GNG2: variants seen among roughly 807,000 people sequenced by gnomAD.
GNG2 encodes the protein guanine nucleotide-binding protein G(I)/G(S)/G(O) subunit gamma-2.
A neutral mutation model predicts 5.5 loss-of-function variants in GNG2; 5 were observed. That is an observed-to-expected ratio of 0.91 (90% CI 0.48 to 1.92). The LOEUF (loss-of-function observed/expected upper bound fraction) is 1.92. Among genes scored for constraint, GNG2 ranks in the 30% most tolerant of loss-of-function variants. The probability of loss-of-function intolerance (pLI) is 0.01; values close to 1 mark genes in which losing one functional copy is unlikely to be tolerated. For synonymous variants in GNG2, 28 were observed against 32.0 expected (o/e 0.88, Z 0.42); for missense variants, 55 against 88.4 (o/e 0.62, Z 1.52).
chr14:51,910,749 A>G (rs913242812), intron 2 of GNG2, among the ~76,000 whole-genome samples: 6 of 152,224 alleles, frequency 3.9e-5, no homozygotes, highest in Non-Finnish European at 8.8e-5. Context: ...GATTTCAACA[A>G]AAGTCCATGT....
chr14:51,938,644 G>A (rs1311408416), intron 2 of GNG2, among the ~76,000 whole-genome samples: 1 of 152,176 alleles, frequency 6.6e-6, no homozygotes, highest in Non-Finnish European at 1.5e-5. Flanking sequence ...TATACCTAGT[G>A]TCATTTGTAC....
chr14:51,905,382 C>A (rs1885852386), intron 2 of GNG2, among the ~76,000 whole-genome samples: 1 of 152,112 alleles, frequency 6.6e-6, no homozygotes, highest in Admixed American at 6.6e-5. Context: ...ACGAAAACTA[C>A]AGTAGATAAG....
At chr14:51,901,818 C>A (rs1885581909) in intron 2 of GNG2, among the ~76,000 whole-genome samples, 5 of 151,902 alleles carry the variant, frequency 3.3e-5, no homozygotes, top group Admixed American at 3.3e-4. Context: ...TATATAATAA[C>A]CCAGTAGTGC....
At chr14:51,903,559 T>C (rs1008626419) in intron 2 of GNG2, among the ~76,000 whole-genome samples, 1 of 152,238 alleles carries the variant, frequency 6.6e-6, no homozygotes, top group Non-Finnish European at 1.5e-5. Context: ...TTTTGGGTTA[T>C]TGTATTATTT....
chr14:51,889,176 G>A (rs1422143239), intron 2 of GNG2, among the ~76,000 whole-genome samples: 4 of 149,130 alleles, frequency 2.7e-5, no homozygotes, highest in African/African-American at 7.4e-5. Context: ...ACATTGGAGC[G>A]ATCTCTGCTC....
chr14:51,897,418 T>A (rs1020002286), intron 2 of GNG2, among the ~76,000 whole-genome samples: 3 of 151,992 alleles, frequency 2.0e-5, no homozygotes, highest in African/African-American at 7.3e-5. Flanking sequence ...AATTCCGGGG[T>A]GGGGGCATCA....
intron 2 of GNG2, among the ~76,000 whole-genome samples, chr14:51,845,734 T>A (rs12435238): frequency 0.13 from 20,413 of 152,146 alleles, 1,623 homozygotes; most frequent in Non-Finnish European, 0.18. Context: ...CTGGTCAATG[T>A]TCTTGAACCT....
intron 1 of GNG2, among the ~76,000 whole-genome samples, chr14:51,865,530 G>T (rs1003811919): frequency 2.0e-5 from 3 of 152,052 alleles, no homozygotes; most frequent in Non-Finnish European, 1.5e-5. Context: ...TGATCTGGGG[G>T]GTGACCTAGC....
chr14:51,888,959 A>G (rs574063357), intron 2 of GNG2, among the ~76,000 whole-genome samples: 2 of 152,302 alleles, frequency 1.3e-5, no homozygotes, highest in South Asian at 2.1e-4. Context: ...GAAAGAAACT[A>G]GACACAACAG....
At chr14:51,956,527 G>A (rs2140295348) in intron 3 of GNG2, among the ~76,000 whole-genome samples, 1 of 152,268 alleles carries the variant, frequency 6.6e-6, no homozygotes, top group Middle Eastern at 3.4e-3. Context: ...ATGTAGAGTG[G>A]TGTGAGTATA....
chr14:51,845,540 A>G (rs1881599608), intron 2 of GNG2, among the ~76,000 whole-genome samples: 1 of 152,174 alleles, frequency 6.6e-6, no homozygotes. Flanking sequence ...TAGATCTTAG[A>G]GGCAATCTTG....
At chr14:51,895,020 A>G (rs942182550) in intron 2 of GNG2, among the ~76,000 whole-genome samples, 2 of 146,058 alleles carry the variant, frequency 1.4e-5, no homozygotes, top group Non-Finnish European at 3.0e-5. Flanking sequence ...TGTAATTCCA[A>G]ATAACAAAAC....
intron 2 of GNG2, among the ~76,000 whole-genome samples, chr14:51,948,432 G>T (rs1214429782): frequency 6.6e-6 from 1 of 152,194 alleles, no homozygotes; most frequent in Non-Finnish European, 1.5e-5. Context: ...CCAGCCAGAT[G>T]AATGAATTCC....
intron 1 of GNG2, among the ~76,000 whole-genome samples, chr14:51,874,424 CA>C (rs71121671): frequency 0.047 from 4,506 of 95,708 alleles, 166 homozygotes; most frequent in East Asian, 0.29. Context: ...GACTCTGTCT[CA>C]AAAAAAAAAA....
chr14:51,926,438 G>A (rs1338890747), intron 2 of GNG2, among the ~76,000 whole-genome samples: 1 of 152,226 alleles, frequency 6.6e-6, no homozygotes, highest in East Asian at 1.9e-4. Flanking sequence ...TGTAGAATGA[G>A]TTTTGGACTA....
intron 2 of GNG2, among the ~76,000 whole-genome samples, chr14:51,919,538 A>G (rs1156970997): frequency 1.3e-5 from 2 of 152,204 alleles, no homozygotes; most frequent in African/African-American, 4.8e-5. Context: ...AAAGTAATAC[A>G]TGTATCCCCA....
At chr14:51,858,589 T>A (rs1882272867), upstream of GNG2, among the ~76,000 whole-genome samples, 1 of 152,222 alleles carries the variant, frequency 6.6e-6, no homozygotes, top group South Asian at 2.1e-4. Flanking sequence ...TACTTGAATC[T>A]AGAGTTTATG....
intron 2 of GNG2, among the ~76,000 whole-genome samples, chr14:51,940,737 G>C (rs1379899214): frequency 1.3e-5 from 2 of 152,170 alleles, no homozygotes; most frequent in Non-Finnish European, 1.5e-5. Flanking sequence ...TAGTGACTGA[G>C]AAGCCAAAAG....
intron 2 of GNG2, among the ~76,000 whole-genome samples, chr14:51,893,248 T>G (rs1884978656): frequency 6.6e-6 from 1 of 152,234 alleles, no homozygotes; most frequent in Non-Finnish European, 1.5e-5. Context: ...TGAGCCTGCC[T>G]GTTTTCTATC....
Sources: allele counts gnomAD v4.1 joint callset (sites outside exome capture counted in the v4.1 genomes callset), GRCh38; gene constraint gnomAD v4.1.1; transcripts MANE v1.5; gene names NCBI Gene and HGNC (gene_info 2026-07-23, HGNC 2026-07-21).